KMT2C: variants seen among roughly 807,000 people sequenced by gnomAD.
KMT2C encodes lysine methyltransferase 2C.
KMT2C carries 88 observed loss-of-function variants against 507.9 expected under a neutral mutation model. That is an observed-to-expected ratio of 0.17 (90% CI 0.15 to 0.21). KMT2C has a LOEUF of 0.21. Among genes scored for constraint, KMT2C ranks in the 10% least tolerant of loss-of-function variants. The pLI is 1.00. For missense variants in KMT2C, 4,954 were observed against 5,957.8 expected, an observed-to-expected ratio of 0.83 and a Z score of 5.55; for synonymous variants, 2,049 against 2,080.8, an observed-to-expected ratio of 0.98 and a Z score of 0.42.
intron 6 of KMT2C, among the ~76,000 whole-genome samples, chr7:152,274,998 T>A (rs1305195278): frequency 6.6e-6 from 1 of 152,210 alleles, no homozygotes; most frequent in Non-Finnish European, 1.5e-5. Flanking sequence ...TGGAGCCTCA[T>A]GTAACACAGA....
chr7:152,262,984 G>T (rs768161811), intron 9 of KMT2C, 32 bp downstream of exon 9: 24 of 1,511,178 alleles, frequency 1.6e-5, no homozygotes, highest in Non-Finnish European at 4.6e-6. Flanking sequence ...ACATAGAGAG[G>T]ATTTAAAAAA....
At chr7:152,150,844 G>T in intron 51 of KMT2C, 56 bp downstream of exon 51, 2 of 1,215,030 alleles carry the variant, frequency 1.6e-6, no homozygotes, top group South Asian at 1.2e-5. Flanking sequence ...CATATGCCCA[G>T]AACACAGAAG....
chr7:152,323,589 T>C (rs2096791089), intron 3 of KMT2C, among the ~76,000 whole-genome samples: 2 of 146,506 alleles, frequency 1.4e-5, no homozygotes, highest in Admixed American at 1.4e-4. Flanking sequence ...CAGTGAGTTG[T>C]GAGCATGGCA....
At chr7:152,175,315 T>G (rs1437334292) in intron 38 of KMT2C, among the ~76,000 whole-genome samples, 1 of 151,980 alleles carries the variant, frequency 6.6e-6, no homozygotes, top group African/African-American at 2.4e-5. Context: ...CCAGCTAATT[T>G]TTTGTTATTT....
At chr7:152,160,618 T>A (rs1441869100) in intron 43 of KMT2C, among the ~76,000 whole-genome samples, 1 of 147,694 alleles carries the variant, frequency 6.8e-6, no homozygotes, top group African/African-American at 2.5e-5. Flanking sequence ...ATTAATTATA[T>A]ATATATATTT....
intron 9 of KMT2C, among the ~76,000 whole-genome samples, chr7:152,260,958 A>G (rs2095759426): frequency 2.0e-5 from 3 of 152,278 alleles, no homozygotes; most frequent in Non-Finnish European, 2.9e-5. Context: ...CATTCACAAA[A>G]TGAGATTCTG....
At chr7:152,173,817 AAAGGT>A (rs1257542473) in intron 39 of KMT2C, among the ~76,000 whole-genome samples, 1 of 152,224 alleles carries the variant, frequency 6.6e-6, no homozygotes, top group Non-Finnish European at 1.5e-5. Flanking sequence ...GAACAATTCT[AAAGGT>A]ATTTAAAAGA....
chr7:152,424,832 A>G (rs1037111376), intron 1 of KMT2C, among the ~76,000 whole-genome samples: 1 of 152,124 alleles, frequency 6.6e-6, no homozygotes, highest in African/African-American at 2.4e-5. Context: ...CTCTTTCCAT[A>G]TAGTCCTGGA....
intron 1 of KMT2C, among the ~76,000 whole-genome samples, chr7:152,411,206 A>G (rs79766658): frequency 6.8e-6 from 1 of 147,562 alleles, no homozygotes; most frequent in Non-Finnish European, 1.5e-5. Context: ...TATCCTATGA[A>G]AAGAAACAAA....
At chr7:152,254,038 C>T (rs1349888423) in intron 9 of KMT2C, among the ~76,000 whole-genome samples, 1 of 152,058 alleles carries the variant, frequency 6.6e-6, no homozygotes, top group African/African-American at 2.4e-5. Context: ...GAAAGGGATG[C>T]TCACTTAAAA....
rs1238297866 is a variant in KMT2C, at chr7:152,181,649, G to C, written c.6211C>G (p.Pro2071Ala). Reference sequence around the variant, plus strand: ...GGTGTCAAAGCAGGCCTTTCATAAGGGTCAACAGACAATCGCCTTGATGCC... The same window carrying C: ...GGTGTCAAAGCAGGCCTTTCATAAGCGTCAACAGACAATCGCCTTGATGCC... Reference protein sequence around the residue: ...SQASRRLSVDPYERPALTPRP... With the variant: ...SQASRRLSVDAYERPALTPRP... Residue 2071 changes from proline (P) to alanine (A), a missense_variant, in exon 36 of 59, where the codon CCT becomes GCT. Physicochemically the swap from Pro to Ala is conservative, Grantham distance 27. Transcript: ENST00000262189. The C allele has an allele frequency of 1.9e-6, 3 of 1,613,980 alleles. No homozygotes were observed. Among genetic ancestry groups the C allele is most frequent in the South Asian group, 1.1e-5 (1 of 91,072 alleles).
Position 152,163,200 on chromosome 7 carries a change from A to G in KMT2C, c.10377T>C (p.Pro3459=), listed in dbSNP as rs776893401. 1.2e-6 allele frequency: 2 copies of G among 1,614,144 alleles called. No homozygotes were observed. The highest frequency in any genetic ancestry group is 8.5e-7 in the Non-Finnish European group (1 of 1,180,026). The change falls in exon 43 of 59, where the codon CCT becomes CCC. Residue 3459 remains proline, a synonymous_variant. Coordinates refer to ENST00000262189, the MANE Select transcript of KMT2C (RefSeq NM_170606.3). ...GTCCTAGAGGTTGCATAAAATCACA[A>G]GGTAAGTCGGAACTGTAGAAGGGAA... is the stretch of plus-strand genomic sequence containing the variant. The part of the protein sequence containing the change: ...SQIPFYSSDL[P]CDFMQPLGPL...
chr7:152,331,260 G>A (rs1257843416), intron 2 of KMT2C, among the ~76,000 whole-genome samples: 2 of 151,810 alleles, frequency 1.3e-5, no homozygotes, highest in Non-Finnish European at 2.9e-5. Flanking sequence ...CAGTGAGCTG[G>A]GATCGTGCCA....
At chr7:152,279,057 C>T (rs1216206111) in intron 6 of KMT2C, among the ~76,000 whole-genome samples, 2 of 151,970 alleles carry the variant, frequency 1.3e-5, no homozygotes, top group African/African-American at 2.4e-5. Flanking sequence ...CATGTATGGT[C>T]GTAAAGAAAT....
chr7:152,152,374 G>A (rs142322361), intron 49 of KMT2C, among the ~76,000 whole-genome samples: 2 of 152,316 alleles, frequency 1.3e-5, no homozygotes, highest in African/African-American at 4.8e-5. Context: ...TCTGTACCAG[G>A]TGGCCCAGGT....
chr7:152,203,127 G>A (rs2129135861), intron 25 of KMT2C, 63 bp from the exon 26 acceptor site: 1 of 1,397,336 alleles, frequency 7.2e-7, no homozygotes, highest in Non-Finnish European at 9.8e-7. Context: ...ACCCACTGAA[G>A]GTAATTTTAT....
intron 2 of KMT2C, among the ~76,000 whole-genome samples, chr7:152,338,299 G>C (rs2096957393): frequency 6.6e-6 from 1 of 152,118 alleles, no homozygotes; most frequent in Non-Finnish European, 1.5e-5. Context: ...ATTTAGAATG[G>C]TTATTTACCA....
chr7:152,245,236 T>C (rs112372885), intron 14 of KMT2C, among the ~76,000 whole-genome samples: 1 of 150,716 alleles, frequency 6.6e-6, no homozygotes, highest in African/African-American at 2.4e-5. Context: ...AGTTTGTCGA[T>C]CTTGAATTCT....
chr7:152,184,122 C>G (rs2093539681), intron 34 of KMT2C, among the ~76,000 whole-genome samples: 2 of 138,074 alleles, frequency 1.4e-5, no homozygotes, highest in African/African-American at 5.4e-5. Context: ...TCCAATCAGT[C>G]TTAAAAAAAA....
Sources: gnomAD v4.1 joint callset for allele counts (sites outside exome capture counted in the v4.1 genomes callset) on GRCh38, gnomAD v4.1.1 for gene constraint, MANE v1.5 for transcripts, NCBI Gene and HGNC (gene_info 2026-07-23, HGNC 2026-07-21) for gene names.